The following SRFBP1 variants were observed in gnomAD, a reference collection of about 807,000 sequenced individuals.
SRFBP1 encodes the protein serum response factor-binding protein 1.
SRFBP1 carries 47 observed loss-of-function variants against 45.5 expected under a neutral mutation model. The ratio of observed to expected loss-of-function variants is 1.03; its 90% CI spans 0.82 to 1.32. SRFBP1 has a LOEUF of 1.32. Ranked by LOEUF, SRFBP1 falls within the 40% of genes most tolerant of loss-of-function variation. The probability of loss-of-function intolerance (pLI) is 0.00; values close to 1 mark genes in which losing one functional copy is unlikely to be tolerated. For synonymous variants in SRFBP1, 203 were observed against 166.3 expected (o/e 1.22, Z -1.70); for missense variants, 621 against 484.6 (o/e 1.28, Z -2.64).
At chr5:122,039,518 G>A (rs932989316) in intron 2 of SRFBP1, among the ~76,000 whole-genome samples, 1 of 152,144 alleles carries the variant, frequency 6.6e-6, no homozygotes, top group Non-Finnish European at 1.5e-5. Context: ...GCAAATTCTG[G>A]CCAGTGGAAT....
chr5:122,031,379 A>G (rs755107503), downstream of SRFBP1, among the ~76,000 whole-genome samples: 23 of 152,224 alleles, frequency 1.5e-4, no homozygotes, highest in South Asian at 2.1e-4. Flanking sequence ...AGAATGGTCC[A>G]TGCACTGATG....
chr5:122,069,469 C>T (rs572627765), intron 2 of SRFBP1, among the ~76,000 whole-genome samples: 1 of 152,106 alleles, frequency 6.6e-6, no homozygotes, highest in Non-Finnish European at 1.5e-5. Context: ...GAATAGATAT[C>T]TTCCAGTATT....
Position 122,027,168 on chromosome 5 carries a change from A to AT in SRFBP1, c.*43dup, listed in dbSNP as rs1408479379. The AT allele has an allele frequency of 6.7e-7, 1 of 1,497,342 alleles. No individual in the cohort carries two copies. Among genetic ancestry groups the AT allele is most frequent in the Non-Finnish European group, 9.1e-7 (1 of 1,097,668 alleles). The allele number at this position is 1,497,342 out of a possible 1,614,324, so 92.8% of individuals were successfully genotyped here. On this transcript the variant is annotated 3_prime_UTR_variant, in exon 8 of 8. Transcript: ENST00000339397. ...CAAACTTTTCCATCTAAAAAAAAAA[A>AT]TGTTTTTTTTAAGACAGGATCTCAT...
At chr5:122,032,691 G>C (rs1770870152), downstream of SRFBP1, among the ~76,000 whole-genome samples, 1 of 152,130 alleles carries the variant, frequency 6.6e-6, no homozygotes, top group Non-Finnish European at 1.5e-5. Context: ...TGGGTATGTG[G>C]ATTATTTTCA....
At chr5:122,046,301 G>A (rs999327876) in intron 2 of SRFBP1, among the ~76,000 whole-genome samples, 3 of 151,996 alleles carry the variant, frequency 2.0e-5, no homozygotes, top group Admixed American at 1.3e-4. Context: ...GCGGTGTTTG[G>A]TTTTTTGTCC....
chr5:122,012,975 T>C (rs1753124253), intron 4 of SRFBP1, among the ~76,000 whole-genome samples: 1 of 152,102 alleles, frequency 6.6e-6, no homozygotes, highest in Non-Finnish European at 1.5e-5. Flanking sequence ...TGTTGCCTTC[T>C]CCCTAGCTTT....
intron 2 of SRFBP1, chr5:122,074,021 G>T: frequency 1.2e-6 from 2 of 1,613,856 alleles, no homozygotes; most frequent in African/African-American, 1.3e-5. Flanking sequence ...ACCTGTGTGT[G>T]TGCAGTACAT....
intron 2 of SRFBP1, among the ~76,000 whole-genome samples, chr5:122,068,174 T>TG (rs753955725): frequency 7.9e-4 from 91 of 115,882 alleles, no homozygotes; most frequent in Middle Eastern, 5.1e-3. Flanking sequence ...TAATAACTAG[T>TG]AAAAAAAAAA....
At chr5:122,026,507 T>C (rs1359779594) in intron 7 of SRFBP1, among the ~76,000 whole-genome samples, 1 of 152,236 alleles carries the variant, frequency 6.6e-6, no homozygotes, top group Admixed American at 6.5e-5. Context: ...CTATCAGTAT[T>C]GTCAGACTCA....
intron 1 of SRFBP1, among the ~76,000 whole-genome samples, chr5:121,971,631 A>G (rs1752201359): frequency 6.6e-6 from 1 of 152,052 alleles, no homozygotes; most frequent in Non-Finnish European, 1.5e-5. Flanking sequence ...TAGGTGGCAA[A>G]TTAAATATGC....
In SRFBP1 at chr5:122,020,770, C is replaced by G. The variant is rs754239402; in HGVS notation, c.1035C>G (p.Phe345Leu). 1 of 1,592,520 alleles carries G rather than the reference C, an allele frequency of 6.3e-7. No homozygotes were observed. The highest frequency in any genetic ancestry group is 8.5e-7 in the Non-Finnish European group (1 of 1,172,834). ...CCAGAAAGTTAGAATCAGTGTTTTT[C>G]CACTCTTTATCTGGATCTAAAAGCT... ...TETRKLESVF[F>L]HSLSGSKSSR... Residue 345 changes from phenylalanine to leucine, a missense_variant, in exon 6 of 8, where the codon TTC becomes TTG. Transcript: ENST00000339397.
chr5:121,975,287 G>T, intron 2 of SRFBP1, 28 bp from the exon 3 acceptor site: 1 of 1,609,212 alleles, frequency 6.2e-7, no homozygotes, highest in Non-Finnish European at 8.5e-7. Context: ...GCTTTGCCTG[G>T]CTACATATCG....
In SRFBP1 at chr5:122,052,137, C is replaced by G. The variant is rs140590751; in HGVS notation, n.312-23178C>G. On this transcript the variant is annotated intron_variant and non_coding_transcript_variant, in intron 2 of 2. Transcript: ENST00000504881. ...GTCCGCTGTTAGCTTGATGGGATTCCCTTTATAGATGACCTGCCTCTTCTC... is the reference window on the plus strand; with the variant it reads ...GTCCGCTGTTAGCTTGATGGGATTCGCTTTATAGATGACCTGCCTCTTCTC... Among the ~76,000 whole-genome samples the G allele has an allele frequency of 5.3e-4, 80 of 152,186 alleles. 1 individual carries two copies. In the East Asian group the frequency reaches 0.015, roughly 28 times the overall value.
intron 7 of SRFBP1, among the ~76,000 whole-genome samples, chr5:122,023,231 C>A (rs1382483886): frequency 6.6e-6 from 1 of 152,134 alleles, no homozygotes; most frequent in Non-Finnish European, 1.5e-5. Flanking sequence ...ACTTTTTCTT[C>A]CAGTGACCAG....
At chr5:121,974,660 C>T (rs962421942) in intron 2 of SRFBP1, among the ~76,000 whole-genome samples, 3 of 151,850 alleles carry the variant, frequency 2.0e-5, no homozygotes, top group African/African-American at 7.2e-5. Flanking sequence ...TTTTATATCA[C>T]ATTTTTTCTT....
chr5:122,034,172 A>T (rs1381076470), intron 2 of SRFBP1, among the ~76,000 whole-genome samples: 1 of 152,182 alleles, frequency 6.6e-6, no homozygotes, highest in Non-Finnish European at 1.5e-5. Flanking sequence ...TCTTGAATAG[A>T]GCATATAGTT....
intron 2 of SRFBP1, among the ~76,000 whole-genome samples, chr5:122,043,200 A>G (rs754571677): frequency 2.0e-5 from 3 of 151,852 alleles, no homozygotes; most frequent in Admixed American, 6.6e-5. Flanking sequence ...TATCTGTCTC[A>G]CTATTTTCTT....
chr5:121,975,410 A>C (rs371650298), intron 3 of SRFBP1, 23 bp downstream of exon 3: 1 of 1,610,872 alleles, frequency 6.2e-7, no homozygotes, highest in Non-Finnish European at 8.5e-7. Flanking sequence ...GTGGGTGTGT[A>C]TGTGTGTATG....
In SRFBP1 at chr5:121,973,605, CATGT is replaced by C. The variant is rs537385353; in HGVS notation, c.37-590_37-587del. On this transcript the variant is annotated intron_variant, in intron 1 of 7. Transcript: ENST00000339397. Reference sequence around the variant, plus strand: ...TAAATTATGTATTTGTATGTGTGTGCATGTGTGTGTGGGGGGGGGGCATGTATGT... The same window carrying C: ...TAAATTATGTATTTGTATGTGTGTGCGTGTGTGGGGGGGGGGCATGTATGT... 8.0e-4 allele frequency among the ~76,000 whole-genome samples: 113 copies of C among 141,412 alleles called. 3 individuals carry two copies. The South Asian group carries it at 0.021, about 26-fold the overall frequency. 92.8% of individuals were successfully genotyped at this position (141,412 alleles called of 152,430 possible).
Sources: gnomAD v4.1 joint callset for allele counts (sites outside exome capture counted in the v4.1 genomes callset) on GRCh38, gnomAD v4.1.1 for gene constraint, MANE v1.5 for transcripts, NCBI Gene and HGNC (gene_info 2026-07-23, HGNC 2026-07-21) for gene names.